The following INPP4B variants were observed in gnomAD, a reference collection of about 807,000 sequenced individuals.
INPP4B encodes the protein inositol polyphosphate-4-phosphatase type II B, also known as inositol polyphosphate 4-phosphatase type II.
Under a neutral mutation model 122.5 loss-of-function variants are expected in INPP4B, and 55 were observed. That is an observed-to-expected ratio of 0.45 (90% CI 0.36 to 0.56). The LOEUF is 0.56. Ranked by LOEUF, INPP4B falls within the 20% of genes least tolerant of loss-of-function variation. The pLI, the probability that INPP4B is intolerant of heterozygous loss-of-function variation, is 0.00. For missense variants in INPP4B, 1,000 were observed against 1,097.7 expected, an observed-to-expected ratio of 0.91 and a Z score of 1.26; for synonymous variants, 403 against 388.7, an observed-to-expected ratio of 1.04 and a Z score of -0.43.
At chr4:142,770,484 C>T (rs1317483935) in intron 1 of INPP4B, among the ~76,000 whole-genome samples, 2 of 151,962 alleles carry the variant, frequency 1.3e-5, no homozygotes, top group African/African-American at 4.8e-5. Flanking sequence ...AATAAACTGG[C>T]ACCAGGAGCA....
At chr4:142,201,842 C>G (rs1368918833) in intron 14 of INPP4B, among the ~76,000 whole-genome samples, 3 of 151,924 alleles carry the variant, frequency 2.0e-5, no homozygotes, top group Admixed American at 2.0e-4. Flanking sequence ...TTATTGTACC[C>G]TGCTCTTTAC....
At chr4:142,843,723 A>T (rs1783839576) in intron 1 of INPP4B, among the ~76,000 whole-genome samples, 1 of 152,056 alleles carries the variant, frequency 6.6e-6, no homozygotes, top group African/African-American at 2.4e-5. Context: ...TCAGATGTCA[A>T]ATACTTACCT....
chr4:142,379,374 T>C (rs1793217119), intron 7 of INPP4B, among the ~76,000 whole-genome samples: 1 of 152,154 alleles, frequency 6.6e-6, no homozygotes. Context: ...GCCACGAAAC[T>C]GAAGGAATCA....
intron 1 of INPP4B, among the ~76,000 whole-genome samples, chr4:142,807,872 A>T (rs754270903): frequency 2.6e-5 from 4 of 152,212 alleles, no homozygotes; most frequent in Non-Finnish European, 5.9e-5. Flanking sequence ...GCTAACATTT[A>T]TACTAGAACT....
intron 15 of INPP4B, among the ~76,000 whole-genome samples, chr4:142,182,575 T>A (rs1166020258): frequency 6.3e-5 from 9 of 142,268 alleles, no homozygotes; most frequent in South Asian, 2.2e-4. Context: ...AAAAAAAAGA[T>A]TCTTAATGTG....
Position 142,679,366 on chromosome 4 carries a change from G to GTATT in INPP4B, c.-191+46469_-191+46472dup, listed in dbSNP as rs200075980. ...TAAAAGTTTCTTGGAAATAGTGAGGGTATTTGTTTGTCCTCTGGTAAAGTC... is the reference window on the plus strand; with the variant it reads ...TAAAAGTTTCTTGGAAATAGTGAGGGTATTTATTTGTTTGTCCTCTGGTAAAGTC... On this transcript the variant is annotated intron_variant, in intron 2 of 25. Coordinates refer to ENST00000262992, the MANE Select transcript of INPP4B (RefSeq NM_001101669.3). 2.6e-3 allele frequency among the ~76,000 whole-genome samples: 394 copies of GTATT among 151,964 alleles called. 6 individuals carry two copies. Among genetic ancestry groups the GTATT allele is most frequent in the East Asian group, 0.018 (93 of 5,154 alleles).
chr4:142,402,897 A>C, intron 7 of INPP4B, 41 bp downstream of exon 7: 1 of 1,022,182 alleles, frequency 9.8e-7, no homozygotes. Flanking sequence ...GTGGAAAAGC[A>C]TAACTTTTTC....
At chr4:142,545,815 A>G (rs1580337013) in intron 2 of INPP4B, among the ~76,000 whole-genome samples, 1 of 58,366 alleles carries the variant, frequency 1.7e-5, no homozygotes, top group African/African-American at 4.7e-5. Context: ...ACACATATAC[A>G]TGTGTGTATA....
At chr4:142,575,738 T>C (rs146875462) in intron 2 of INPP4B, among the ~76,000 whole-genome samples, 17 of 152,166 alleles carry the variant, frequency 1.1e-4, no homozygotes, top group Non-Finnish European at 1.9e-4. Flanking sequence ...CCCATGTCAA[T>C]ACAGATCTTC....
chr4:142,231,806 C>T (rs984027849), intron 12 of INPP4B, among the ~76,000 whole-genome samples: 2 of 152,132 alleles, frequency 1.3e-5, no homozygotes, highest in East Asian at 3.9e-4. Context: ...TATTCATCAG[C>T]TTATACATAA....
chr4:142,215,542 C>T (rs1846743559), intron 12 of INPP4B, among the ~76,000 whole-genome samples: 1 of 152,076 alleles, frequency 6.6e-6, no homozygotes, highest in Non-Finnish European at 1.5e-5. Flanking sequence ...TTTTCTAAAA[C>T]ATATTCAAGA....
At chr4:142,031,531 C>G (rs752889565) in intron 25 of INPP4B, among the ~76,000 whole-genome samples, 13 of 152,068 alleles carry the variant, frequency 8.5e-5, no homozygotes, top group Non-Finnish European at 1.5e-4. Context: ...TTTGGTAGAA[C>G]CTAAGGACTA....
chr4:142,607,609 T>G (rs563273796), intron 2 of INPP4B, among the ~76,000 whole-genome samples: 1 of 152,278 alleles, frequency 6.6e-6, no homozygotes, highest in East Asian at 1.9e-4. Context: ...TTTTTCCAGA[T>G]GTCTATGTAC....
intron 25 of INPP4B, among the ~76,000 whole-genome samples, chr4:142,072,550 T>C (rs1299279828): frequency 6.6e-6 from 1 of 151,820 alleles, no homozygotes; most frequent in Non-Finnish European, 1.5e-5. Flanking sequence ...CTTTTTTTTT[T>C]TTTTTTACCT....
At chr4:142,785,680 C>CA (rs1580912123) in intron 1 of INPP4B, among the ~76,000 whole-genome samples, 1 of 151,420 alleles carries the variant, frequency 6.6e-6, no homozygotes, top group East Asian at 1.9e-4. Context: ...GAAACAAGTT[C>CA]AAAAAATATA....
At chr4:142,051,345 G>T (rs1014972740) in intron 25 of INPP4B, among the ~76,000 whole-genome samples, 3 of 151,750 alleles carry the variant, frequency 2.0e-5, no homozygotes, top group African/African-American at 7.3e-5. Context: ...ACAGTATTCC[G>T]TAAGTATTGT....
At chr4:142,704,131 G>A (rs913526550) in intron 2 of INPP4B, among the ~76,000 whole-genome samples, 1 of 152,084 alleles carries the variant, frequency 6.6e-6, no homozygotes, top group South Asian at 2.1e-4. Flanking sequence ...TAAGGAGGCC[G>A]GAATGAACAA....
At chr4:142,544,130 G>GTGTGTGTGTGTGTGT (rs55638202) in intron 2 of INPP4B, among the ~76,000 whole-genome samples, 16,743 of 132,994 alleles carry the variant, frequency 0.13, 1,806 homozygotes, top group East Asian at 0.19. Context: ...GTGTGTGTGT[G>GTGTGTGTGTGTGTGT]GTGTGTGTGT....
At chr4:142,420,168 T>A (rs911053548) in intron 5 of INPP4B, among the ~76,000 whole-genome samples, 4 of 152,134 alleles carry the variant, frequency 2.6e-5, no homozygotes, top group Admixed American at 2.0e-4. Context: ...TTAATCCATG[T>A]TGAATAATCA....
Sources: gnomAD v4.1 joint callset for allele counts (sites outside exome capture counted in the v4.1 genomes callset) on GRCh38, gnomAD v4.1.1 for gene constraint, MANE v1.5 for transcripts, NCBI Gene and HGNC (gene_info 2026-07-23, HGNC 2026-07-21) for gene names.